SREK1: variants seen among roughly 807,000 people sequenced by gnomAD.
The protein encoded by SREK1 is splicing regulatory glutamine/lysine-rich protein 1.
A neutral mutation model predicts 66.5 loss-of-function variants in SREK1; 13 were observed. The observed-to-expected ratio is 0.20, with a 90% CI of 0.13 to 0.31. The LOEUF (loss-of-function observed/expected upper bound fraction) is 0.31. Ranked by LOEUF, SREK1 falls within the 10% of genes least tolerant of loss-of-function variation. The probability of loss-of-function intolerance (pLI) is 1.00; values close to 1 mark genes in which losing one functional copy is unlikely to be tolerated. For missense variants in SREK1, 607 were observed against 769.6 expected (o/e 0.79, Z 2.50); for synonymous variants, 265 against 263.5 (o/e 1.01, Z -0.05).
intron 1 of SREK1, chr5:66,144,905 GTTTTTCCACTCTGA>G: frequency 2.0e-6 from 2 of 1,000,562 alleles, no homozygotes; most frequent in South Asian, 4.4e-5. Flanking sequence ...GTCTCAGAGC[GTTTTTCCACTCTGA>G]AAATCGCGGA....
chr5:66,162,545 AAGGGCCC>A lies in SREK1; in HGVS notation c.709_715del (p.Arg237LeufsTer13). ...AATTTGCAGACCAAAATTCTGTACC[AAGGGCCC>A]TTGCTTTTAATGGAGTTATGTTTGG... On this transcript the variant is annotated frameshift_variant, in exon 5 of 12. Transcript: ENST00000334121. LOFTEE classifies it high-confidence loss of function. 6.2e-7 allele frequency: 1 copy of A among 1,613,960 alleles called. No homozygotes were observed. The highest frequency in any genetic ancestry group is 8.5e-7 in the Non-Finnish European group (1 of 1,179,898).
At chr5:66,171,659 T>G (rs1207843116) in intron 9 of SREK1, among the ~76,000 whole-genome samples, 1 of 152,138 alleles carries the variant, frequency 6.6e-6, no homozygotes, top group Admixed American at 6.5e-5. Flanking sequence ...ATTAGCAAAT[T>G]TTTGAAGATT....
At chr5:66,157,830 A>G in intron 2 of SREK1, 1 of 554,680 alleles carries the variant, frequency 1.8e-6, no homozygotes, top group Non-Finnish European at 2.3e-6. Context: ...TATTTAAATC[A>G]AGTTTTAAAT....
chr5:66,144,652 G>A (rs1742992624), intron 1 of SREK1, 115 bp downstream of exon 1: 1 of 1,421,596 alleles, frequency 7.0e-7, no homozygotes, highest in East Asian at 2.6e-5. Flanking sequence ...TGATCGCGCC[G>A]GCTTACCTTG....
chr5:66,153,653 T>G, intron 2 of SREK1, 57 bp downstream of exon 2: 1 of 1,608,188 alleles, frequency 6.2e-7, no homozygotes, highest in Non-Finnish European at 8.5e-7. Flanking sequence ...TGTTATTGCC[T>G]TTAGCTTTCC....
chr5:66,163,998 T>A (rs1166345239), intron 6 of SREK1, 76 bp downstream of exon 6: 2 of 1,502,872 alleles, frequency 1.3e-6, no homozygotes, highest in Non-Finnish European at 1.8e-6. Context: ...ATTTTAGAAA[T>A]CATCTTGTTC....
At position 66,164,865 on chromosome 5, in the gene SREK1, T is replaced by C; in HGVS notation, c.969T>C (p.His323=). 6.2e-7 allele frequency: 1 copy of C among 1,613,984 alleles called. No individual in the cohort carries two copies. The highest frequency in any genetic ancestry group is 8.5e-7 in the Non-Finnish European group (1 of 1,179,846). Residue 323 remains histidine, a synonymous_variant, in exon 7 of 12, where the codon CAT becomes CAC. Coordinates refer to ENST00000334121, the MANE Select transcript of SREK1 (RefSeq NM_001077199.3). The part of the protein sequence containing the change: ...RSKSRSSSKS[H]SRRKRSQSKH... The stretch of plus-strand genomic sequence containing the variant: ...AATCCAGGTCTAGCTCAAAATCCCA[T>C]TCTAGAAGGAAAAGATCACAATCAA...
rs1210234414 is a variant in SREK1 at position 66,176,802 on chromosome 5, G to A, written c.1581-712G>A. On this transcript the variant is annotated intron_variant, in intron 10 of 11. Coordinates refer to ENST00000334121, the MANE Select transcript of SREK1 (RefSeq NM_001077199.3). ...AATTGGAGGTTAGGTTTGTACATAG[G>A]AAAGTTATTGATTTCTGTATATTTA... is the stretch of plus-strand genomic sequence containing the variant. Among the ~76,000 whole-genome samples, 3 of 152,002 alleles carry A rather than the reference G, an allele frequency of 2.0e-5. No individual in the cohort carries two copies. The East Asian group carries it at 5.8e-4, about 29-fold the overall frequency.
rs148026099 is a variant in SREK1 at position 66,177,589 on chromosome 5, G to A, written c.1656G>A (p.Thr552=). 3.6e-4 allele frequency: 573 copies of A among 1,611,214 alleles called. 1 individual carries two copies. In the African/African-American group the frequency reaches 6.5e-3, roughly 18 times the overall value. ...ISERRERERS[T]SMRKSSNDRD... is the part of the protein sequence containing the mutation. ...AAAGAAGAGAGAGAGAACGTTCAACGTCTATGAGAAAGAGTTCTAATGATA... is the reference window on the plus strand; with the variant it reads ...AAAGAAGAGAGAGAGAACGTTCAACATCTATGAGAAAGAGTTCTAATGATA... Residue 552 remains threonine, a synonymous_variant, in exon 11 of 12, where the codon ACG becomes ACA. Coordinates refer to ENST00000334121, the MANE Select transcript of SREK1 (RefSeq NM_001077199.3).
At chr5:66,146,434 T>C (rs1743199053) in intron 1 of SREK1, among the ~76,000 whole-genome samples, 1 of 152,188 alleles carries the variant, frequency 6.6e-6, no homozygotes, top group South Asian at 2.1e-4. Flanking sequence ...TCAGATGTTA[T>C]TACTTGGAAT....
At chr5:66,148,434 T>C (rs1368590795) in intron 1 of SREK1, among the ~76,000 whole-genome samples, 1 of 152,210 alleles carries the variant, frequency 6.6e-6, no homozygotes, top group South Asian at 2.1e-4. Context: ...AGAAATTTAA[T>C]TGATGCCCAA....
At chr5:66,169,959 T>C in intron 7 of SREK1, 92 bp from the exon 8 acceptor site, 1 of 1,028,912 alleles carries the variant, frequency 9.7e-7, no homozygotes, top group South Asian at 3.0e-5. Context: ...ATTTTTAAAA[T>C]ATTGTTAAAT....
At chr5:66,144,843 C>T in intron 1 of SREK1, 4 of 1,076,256 alleles carry the variant, frequency 3.7e-6, no homozygotes, top group African/African-American at 3.3e-5. Context: ...TCTTATTTCC[C>T]CCCGAACTTA....
intron 7 of SREK1, chr5:66,168,659 G>C (rs1197899067): frequency 6.6e-6 from 1 of 152,118 alleles, no homozygotes; most frequent in African/African-American, 2.4e-5. Flanking sequence ...TTACAGGTGT[G>C]AGCCACTGTG....
chr5:66,145,742 G>C (rs1029312368), intron 1 of SREK1, among the ~76,000 whole-genome samples: 3 of 149,014 alleles, frequency 2.0e-5, no homozygotes, highest in African/African-American at 5.0e-5. Flanking sequence ...AATTTCCCCA[G>C]TTATTTTAAT....
chr5:66,169,273 A>G (rs1745425218), intron 7 of SREK1: 1 of 152,210 alleles, frequency 6.6e-6, no homozygotes, highest in African/African-American at 2.4e-5. Context: ...GTTTCTTTTC[A>G]TACAGGTTGA....
At chr5:66,145,404 C>T (rs112249186) in intron 1 of SREK1, among the ~76,000 whole-genome samples, 1,900 of 152,028 alleles carry the variant, frequency 0.012, 44 homozygotes, top group African/African-American at 0.043. Context: ...TATTAAGATC[C>T]TCCGTTTTTT....
chr5:66,164,148 C>G (rs1031317468), intron 6 of SREK1: 43 of 447,956 alleles, frequency 9.6e-5, no homozygotes, highest in African/African-American at 6.1e-4. Context: ...CTAATCAGCT[C>G]TGTATTTTCA....
At chr5:66,176,899 G>A (rs1290699172) in intron 10 of SREK1, among the ~76,000 whole-genome samples, 5 of 151,950 alleles carry the variant, frequency 3.3e-5, no homozygotes, top group Admixed American at 6.6e-5. Flanking sequence ...TCCAGCAGAG[G>A]GGTCTTTTGT....
Sources: gnomAD v4.1 joint callset for allele counts (sites outside exome capture counted in the v4.1 genomes callset) on GRCh38, gnomAD v4.1.1 for gene constraint, MANE v1.5 for transcripts, NCBI Gene and HGNC (gene_info 2026-07-23, HGNC 2026-07-21) for gene names.